BMERB1: variants seen among roughly 807,000 people sequenced by gnomAD.
BMERB1 encodes the protein bMERB domain-containing protein 1.
BMERB1 carries 12 observed loss-of-function variants against 23.6 expected under a neutral mutation model. The ratio of observed to expected loss-of-function variants is 0.51; its 90% CI spans 0.33 to 0.82. BMERB1 has a LOEUF of 0.82. Among genes scored for constraint, BMERB1 ranks in the 40% least tolerant of loss-of-function variants. The probability of loss-of-function intolerance (pLI) is 0.03; values close to 1 mark genes in which losing one functional copy is unlikely to be tolerated. For missense variants in BMERB1, 247 were observed against 255.4 expected, an observed-to-expected ratio of 0.97 and a Z score of 0.22; for synonymous variants, 122 against 96.6, an observed-to-expected ratio of 1.26 and a Z score of -1.54.
At chr16:15,504,455 T>A (rs537109477) in intron 1 of BMERB1, among the ~76,000 whole-genome samples, 35 of 152,130 alleles carry the variant, frequency 2.3e-4, no homozygotes, top group African/African-American at 7.9e-4. Context: ...ATTTTTTTTT[T>A]TTTTTTATTA....
intron 2 of BMERB1, among the ~76,000 whole-genome samples, chr16:15,564,302 TTGTG>T (rs926683366): frequency 2.6e-5 from 4 of 152,222 alleles, no homozygotes; most frequent in African/African-American, 9.6e-5. Context: ...ACATGTTTTT[TTGTG>T]TGTGTGTATC....
chr16:15,445,066 A>AT (rs1295608827), intron 1 of BMERB1, among the ~76,000 whole-genome samples: 3 of 151,820 alleles, frequency 2.0e-5, no homozygotes, highest in Non-Finnish European at 2.9e-5. Context: ...AATTTTTACA[A>AT]TTTTTTTGTA....
At chr16:15,494,541 C>T (rs2051454826) in intron 1 of BMERB1, among the ~76,000 whole-genome samples, 2 of 152,134 alleles carry the variant, frequency 1.3e-5, no homozygotes, top group Non-Finnish European at 2.9e-5. Context: ...TGCAATCTTT[C>T]TGGAAGTCCC....
intron 1 of BMERB1, among the ~76,000 whole-genome samples, chr16:15,454,658 G>A (rs554539957): frequency 1.5e-3 from 231 of 152,236 alleles, no homozygotes; most frequent in Non-Finnish European, 2.7e-3. Flanking sequence ...CCGGTGTGAT[G>A]GCACATGCTT....
chr16:15,489,875 C>CT (rs899242036), intron 1 of BMERB1, among the ~76,000 whole-genome samples: 15 of 151,414 alleles, frequency 9.9e-5, no homozygotes, highest in South Asian at 6.3e-4. Context: ...GATCCAATAT[C>CT]TTTTTTTTTG....
intron 1 of BMERB1, 77 bp from the exon 2 acceptor site, chr16:15,515,228 C>A: frequency 6.3e-7 from 1 of 1,599,128 alleles, no homozygotes; most frequent in South Asian, 1.1e-5. Context: ...CAAGGCTGTG[C>A]CCTGGAACCA....
intron 1 of BMERB1, among the ~76,000 whole-genome samples, chr16:15,511,121 T>G (rs2051659211): frequency 1.3e-5 from 2 of 152,126 alleles, no homozygotes; most frequent in South Asian, 4.1e-4. Context: ...GACCCGAAAT[T>G]GGATTCCAGG....
chr16:15,537,063 G>A (rs1042433297), intron 2 of BMERB1: 8 of 152,126 alleles, frequency 5.3e-5, no homozygotes, highest in Middle Eastern at 3.2e-3. Context: ...CTCCCGTGGC[G>A]TCAGATAATT....
At chr16:15,453,309 C>G (rs982790099) in intron 1 of BMERB1, among the ~76,000 whole-genome samples, 4 of 152,152 alleles carry the variant, frequency 2.6e-5, no homozygotes, top group South Asian at 2.1e-4. Flanking sequence ...TAAAGGAATG[C>G]TGCAGCGAGG....
intron 2 of BMERB1, among the ~76,000 whole-genome samples, chr16:15,529,307 T>C (rs141651846): frequency 0.047 from 7,096 of 152,134 alleles, 528 homozygotes; most frequent in African/African-American, 0.15. Flanking sequence ...ATTACAGGCG[T>C]GAGCCACCGC....
At chr16:15,538,277 C>T (rs1462706778) in intron 2 of BMERB1, among the ~76,000 whole-genome samples, 1 of 152,078 alleles carries the variant, frequency 6.6e-6, no homozygotes, top group East Asian at 1.9e-4. Context: ...CATGGTGAAA[C>T]ACCATCTCTT....
intron 2 of BMERB1, among the ~76,000 whole-genome samples, chr16:15,530,533 C>G (rs1467100088): frequency 2.6e-5 from 4 of 152,198 alleles, no homozygotes; most frequent in Non-Finnish European, 5.9e-5. Flanking sequence ...CTCAGCCTCC[C>G]AAGAAGCTGG....
At chr16:15,545,799 G>A (rs2029894502) in intron 2 of BMERB1, among the ~76,000 whole-genome samples, 1 of 152,144 alleles carries the variant, frequency 6.6e-6, no homozygotes, top group African/African-American at 2.4e-5. Flanking sequence ...CTCTAATAAT[G>A]ACTGACACAG....
chr16:15,480,762 C>T (rs1251335856), intron 1 of BMERB1, among the ~76,000 whole-genome samples: 1 of 151,780 alleles, frequency 6.6e-6, no homozygotes, highest in Non-Finnish European at 1.5e-5. Context: ...TACAGGCATG[C>T]ACCACCACAC....
chr16:15,560,720 G>A (rs1275614836), intron 2 of BMERB1, among the ~76,000 whole-genome samples: 1 of 151,934 alleles, frequency 6.6e-6, no homozygotes, highest in East Asian at 1.9e-4. Flanking sequence ...TTGAGCCCAG[G>A]AGGCAGAGAT....
At chr16:15,480,606 C>CTTTTT (rs1159247360) in intron 1 of BMERB1, among the ~76,000 whole-genome samples, 85 of 59,006 alleles carry the variant, frequency 1.4e-3, no homozygotes, top group East Asian at 1.9e-3. Context: ...ATTCCACTGT[C>CTTTTT]TTTTTTTTTT....
At chr16:15,507,736 C>T (rs992111408) in intron 1 of BMERB1, among the ~76,000 whole-genome samples, 1 of 152,132 alleles carries the variant, frequency 6.6e-6, no homozygotes, top group African/African-American at 2.4e-5. Flanking sequence ...CAAGTTCAGA[C>T]TGGAAAGAAG....
intron 4 of BMERB1, among the ~76,000 whole-genome samples, chr16:15,582,551 C>G (rs2031040375): frequency 6.6e-6 from 1 of 152,040 alleles, no homozygotes; most frequent in African/African-American, 2.4e-5. Context: ...CCCCCTATCT[C>G]TACAATTTTT....
chr16:15,546,379 G>T (rs182774217), intron 2 of BMERB1, among the ~76,000 whole-genome samples: 19 of 152,032 alleles, frequency 1.2e-4, no homozygotes, highest in Admixed American at 1.2e-3. Context: ...GCAGGATTTT[G>T]ATTTTTTTCC....
Sources: gnomAD v4.1 joint callset for allele counts (sites outside exome capture counted in the v4.1 genomes callset) on GRCh38, gnomAD v4.1.1 for gene constraint, MANE v1.5 for transcripts, NCBI Gene and HGNC (gene_info 2026-07-23, HGNC 2026-07-21) for gene names.